The following SERPINB12 variants were observed in gnomAD, a reference collection of about 807,000 sequenced individuals.
SERPINB12 encodes the protein serpin family B member 12, also known as serpin B12.
In SERPINB12, 57 loss-of-function variants were observed where a neutral mutation model predicts 41.1. The ratio of observed to expected loss-of-function variants is 1.39; its 90% CI spans 1.12 to 1.73. The LOEUF is 1.73. Ranked by LOEUF, SERPINB12 falls within the 40% of genes most tolerant of loss-of-function variation. The pLI, the probability that SERPINB12 is intolerant of heterozygous loss-of-function variation, is 0.00. For synonymous variants in SERPINB12, 180 were observed against 181.3 expected, an observed-to-expected ratio of 0.99 and a Z score of 0.06; for missense variants, 536 against 501.9, an observed-to-expected ratio of 1.07 and a Z score of -0.65.
chr18:63,564,094 GT>G lies in SERPINB12; in HGVS notation c.680del (p.Val227GlyfsTer7). 6.2e-7 allele frequency: 1 copy of G among 1,613,824 alleles called. No homozygotes were observed. The highest frequency in any genetic ancestry group is 8.5e-7 in the Non-Finnish European group (1 of 1,179,956). On this transcript the variant is annotated frameshift_variant, in exon 6 of 8. Transcript: ENST00000382768. LOFTEE classifies it high-confidence loss of function. ...AACATACTTTGACCATGAAAACACGGTGGATGCACCTTTCTGTCTAAATGCG... is the reference window on the plus strand; with the variant it reads ...AACATACTTTGACCATGAAAACACGGGGATGCACCTTTCTGTCTAAATGCG... ...WETYFDHENT[V>X]DAPFCLNANE...
At chr18:63,561,483 G>T (rs977577200) in intron 5 of SERPINB12, among the ~76,000 whole-genome samples, 2 of 152,178 alleles carry the variant, frequency 1.3e-5, no homozygotes, top group Non-Finnish European at 2.9e-5. Context: ...AAGTAGTTTG[G>T]AAATTTCTCA....
At chr18:63,554,090 C>T (rs1201060355) in intron 1 of SERPINB12, among the ~76,000 whole-genome samples, 1 of 152,086 alleles carries the variant, frequency 6.6e-6, no homozygotes, top group Non-Finnish European at 1.5e-5. Context: ...TAGGTACAAA[C>T]TTGGCAGAAA....
chr18:63,563,972 T>C lies in SERPINB12; in HGVS notation c.563-6T>C. On this transcript the variant is annotated splice_region_variant and splice_polypyrimidine_tract_variant and intron_variant, in intron 5 of 7. Transcript: ENST00000382768. ...ACTCAGGATATTCTCTGGGATCTTT[T>C]TTTAGGTAAAATCAAGGAACTCTTC... The C allele has an allele frequency of 1.2e-6, 2 of 1,602,312 alleles. No individual in the cohort carries two copies. Among genetic ancestry groups the C allele is most frequent in the Non-Finnish European group, 8.5e-7 (1 of 1,176,232 alleles).
chr18:63,557,477 T>C (rs1261598746), intron 2 of SERPINB12, among the ~76,000 whole-genome samples: 2 of 152,216 alleles, frequency 1.3e-5, no homozygotes, highest in Non-Finnish European at 2.9e-5. Flanking sequence ...TAGCACATAG[T>C]GCGGGGGTTA....
rs756527153 is a variant in SERPINB12 at position 63,559,718 on chromosome 18, G to T, written c.444G>T (p.Gln148His). 2 of 1,613,838 alleles carry T rather than the reference G, an allele frequency of 1.2e-6. No homozygotes were observed. Among genetic ancestry groups the T allele is most frequent in the East Asian group, 4.5e-5 (2 of 44,882 alleles). The change falls in exon 4 of 8, where the codon CAG becomes CAT. Residue 148 changes from glutamine to histidine, a missense_variant and splice_region_variant. Physicochemically the swap from Gln to His is conservative, Grantham distance 24. Coordinates refer to ENST00000382768, the MANE Select transcript of SERPINB12 (RefSeq NM_001307928.2). ...GAGAGCAGGAATTCCCAATCTGTCA[G>T]GTGAGTTGCACACGAATGGTGACTA... is the stretch of plus-strand genomic sequence containing the variant. ...LYGEQEFPIC[Q>H]EYLDGVIQFY... is the part of the protein sequence containing the mutation.
intron 1 of SERPINB12, among the ~76,000 whole-genome samples, chr18:63,544,036 G>A (rs1910330182): frequency 1.3e-5 from 2 of 152,156 alleles, no homozygotes; most frequent in Non-Finnish European, 2.9e-5. Flanking sequence ...TAAAAACCAT[G>A]GTATTTCATC....
chr18:63,561,028 T>A, intron 4 of SERPINB12, 57 bp from the exon 5 acceptor site: 2 of 1,140,156 alleles, frequency 1.8e-6, no homozygotes, highest in Non-Finnish European at 1.3e-6. Flanking sequence ...CACTCCTAAC[T>A]ACGAGCATCA....
At chr18:63,535,987 TTC>T in the SERPINB12 span, among the ~76,000 whole-genome samples, 1 of 152,046 alleles carries the variant, frequency 6.6e-6, no homozygotes, top group African/African-American at 2.4e-5. Flanking sequence ...TATATATATT[TTC>T]TCTCTATGTA....
At chr18:63,523,819 G>A in the SERPINB12 span, among the ~76,000 whole-genome samples, 1 of 152,178 alleles carries the variant, frequency 6.6e-6, no homozygotes, top group East Asian at 1.9e-4. Context: ...TCCCAGCCAA[G>A]CAAAAAGCGG....
At chr18:63,530,301 A>T in the SERPINB12 span, among the ~76,000 whole-genome samples, 1 of 152,134 alleles carries the variant, frequency 6.6e-6, no homozygotes, top group Non-Finnish European at 1.5e-5. Flanking sequence ...TTACAAAAAG[A>T]CCACACCACC....
intron 1 of SERPINB12, among the ~76,000 whole-genome samples, chr18:63,552,169 T>A (rs1910548755): frequency 6.6e-6 from 1 of 152,214 alleles, no homozygotes; most frequent in Admixed American, 6.5e-5. Flanking sequence ...GAATTTCAGT[T>A]GCTTGATACT....
At chr18:63,541,147 G>A (rs1173164503), upstream of SERPINB12, among the ~76,000 whole-genome samples, 3 of 151,952 alleles carry the variant, frequency 2.0e-5, no homozygotes, top group Non-Finnish European at 4.4e-5. Flanking sequence ...TCAATTATAC[G>A]ATTATTCTGT....
chr18:63,539,852 A>G (rs1348771087), upstream of SERPINB12, among the ~76,000 whole-genome samples: 1 of 152,106 alleles, frequency 6.6e-6, no homozygotes, highest in East Asian at 1.9e-4. Context: ...AAAATAAATT[A>G]AGTTTTTGAG....
intron 1 of SERPINB12, among the ~76,000 whole-genome samples, chr18:63,545,874 G>A (rs1910376557): frequency 6.6e-6 from 1 of 151,886 alleles, no homozygotes; most frequent in Admixed American, 6.6e-5. Flanking sequence ...GAATTTTGTG[G>A]AAGAATTTAG....
In SERPINB12 at chr18:63,567,990, C is replaced by T. The variant is rs550396415; in HGVS notation, c.*979C>T. On this transcript the variant is annotated 3_prime_UTR_variant, in exon 8 of 8. Transcript: ENST00000382768. ...GGCTGGCCTCCGTGTGCCCCTCTCT[C>T]TGCCTTCTGGCCACGTGGACTTTTG... is the stretch of plus-strand genomic sequence containing the variant. 1.1e-4 allele frequency among the ~76,000 whole-genome samples: 16 copies of T among 151,228 alleles called. No homozygotes were observed. In the South Asian group the frequency reaches 3.2e-3, roughly 30 times the overall value.
rs775036649 is a variant in SERPINB12, at chr18:63,558,504, A to G, written c.303+18A>G. 6.1e-5 allele frequency: 98 copies of G among 1,596,618 alleles called. No homozygotes were observed. Among genetic ancestry groups the G allele is most frequent in the Non-Finnish European group, 8.0e-5 (94 of 1,174,598 alleles). ...ATCAGCAGGTGAACCGCCACCGTAGAAAACTCTTGCCTTTCTTTTTTACAA... is the reference window on the plus strand; with the variant it reads ...ATCAGCAGGTGAACCGCCACCGTAGGAAACTCTTGCCTTTCTTTTTTACAA... On this transcript the variant is annotated intron_variant, in intron 3 of 7. Coordinates refer to ENST00000382768, the MANE Select transcript of SERPINB12 (RefSeq NM_001307928.2).
At chr18:63,547,411 A>C (rs1451874838) in intron 1 of SERPINB12, among the ~76,000 whole-genome samples, 1 of 151,848 alleles carries the variant, frequency 6.6e-6, no homozygotes, top group Non-Finnish European at 1.5e-5. Flanking sequence ...TATTGTTCAC[A>C]AGTATTTCTT....
rs1435073340 is a variant in SERPINB12 at position 63,559,593 on chromosome 18, A to C, written c.319A>C (p.Asn107His). The change falls in exon 4 of 8, where the codon AAT (asparagine) becomes CAT (histidine). Residue 107 changes from asparagine (N) to histidine (H), a missense_variant. Transcript: ENST00000382768. ...CTTTCCTTAGGCTGGGTCCTTAAAC[A>C]ATGAGAGCGGACTGGTCAGCTGCTA... is the stretch of plus-strand genomic sequence containing the variant. ...PLDQQAGSLN[N>H]ESGLVSCYFG... The C allele has an allele frequency of 6.2e-7, 1 of 1,613,970 alleles. No individual in the cohort carries two copies. Among genetic ancestry groups the C allele is most frequent in the Non-Finnish European group, 8.5e-7 (1 of 1,179,984 alleles).
At chr18:63,520,569 G>C in the SERPINB12 span, among the ~76,000 whole-genome samples, 10 of 152,242 alleles carry the variant, frequency 6.6e-5, no homozygotes, top group African/African-American at 2.4e-4. Context: ...AATGAAATTG[G>C]GGGACTCAGT....
Sources: allele counts gnomAD v4.1 joint callset (sites outside exome capture counted in the v4.1 genomes callset), GRCh38; gene constraint gnomAD v4.1.1; transcripts MANE v1.5; gene names NCBI Gene and HGNC (gene_info 2026-07-23, HGNC 2026-07-21).